PREX2: variants seen among roughly 807,000 people sequenced by gnomAD.
The protein encoded by PREX2 is phosphatidylinositol-3,4,5-trisphosphate dependent Rac exchange factor 2, also known as phosphatidylinositol 3,4,5-trisphosphate-dependent Rac exchanger 2 protein.
In PREX2, 107 loss-of-function variants were observed where a neutral mutation model predicts 203.2. The observed-to-expected ratio is 0.53, with a 90% CI of 0.45 to 0.62. The LOEUF is 0.62. Among genes scored for constraint, PREX2 ranks in the 20% least tolerant of loss-of-function variants. The probability of loss-of-function intolerance (pLI) is 0.00; values close to 1 mark genes in which losing one functional copy is unlikely to be tolerated. For missense variants in PREX2, 1,777 were observed against 1,955.9 expected, an observed-to-expected ratio of 0.91 and a Z score of 1.72; for synonymous variants, 672 against 663.6, an observed-to-expected ratio of 1.01 and a Z score of -0.19.
At chr8:68,040,980 G>A (rs76597100) in intron 7 of PREX2, among the ~76,000 whole-genome samples, 4,189 of 152,262 alleles carry the variant, frequency 0.028, 102 homozygotes, top group Non-Finnish European at 0.044. Flanking sequence ...CTTACTTTAT[G>A]GGATGTTTCC....
chr8:68,171,318 A>G (rs746463878), intron 35 of PREX2, among the ~76,000 whole-genome samples: 2 of 152,212 alleles, frequency 1.3e-5, no homozygotes, highest in Non-Finnish European at 2.9e-5. Context: ...AGGAAGATAG[A>G]TATTTTATTC....
rs759884395 is a variant in PREX2 at position 68,115,751 on chromosome 8, A to C, written c.3147-2A>C. 6.2e-7 allele frequency: 1 copy of C among 1,600,818 alleles called. No homozygotes were observed. Among genetic ancestry groups the C allele is most frequent in the Admixed American group, 1.7e-5 (1 of 57,444 alleles). ...GCATTTTTTTTTAATATTACATTGC[A>C]GCCTTCTGTCTTCAATAACATATTC... On this transcript the variant is annotated splice_acceptor_variant, in intron 25 of 39. Coordinates refer to ENST00000288368, the MANE Select transcript of PREX2 (RefSeq NM_024870.4). LOFTEE classifies it high-confidence loss of function.
At chr8:68,122,882 T>C (rs961746702) in intron 30 of PREX2, among the ~76,000 whole-genome samples, 2 of 152,140 alleles carry the variant, frequency 1.3e-5, no homozygotes, top group African/African-American at 4.8e-5. Context: ...GTTGTTATGA[T>C]TTCACTTCTT....
intron 30 of PREX2, among the ~76,000 whole-genome samples, chr8:68,124,367 C>A (rs183429602): frequency 1.6e-4 from 25 of 152,120 alleles, no homozygotes; most frequent in Admixed American, 1.4e-3. Flanking sequence ...AGTCCATTAT[C>A]CTTAGCAAAC....
intron 35 of PREX2, among the ~76,000 whole-genome samples, chr8:68,171,679 C>A (rs141244518): frequency 1.1e-4 from 16 of 152,218 alleles, no homozygotes; most frequent in African/African-American, 3.9e-4. Flanking sequence ...TCCCTGAGCC[C>A]TCAGCTGTGT....
intron 34 of PREX2, among the ~76,000 whole-genome samples, chr8:68,153,159 A>C (rs1189759355): frequency 6.6e-6 from 1 of 152,216 alleles, no homozygotes; most frequent in Non-Finnish European, 1.5e-5. Context: ...ACCAATTCTG[A>C]GGAATTATGA....
At chr8:68,002,131 T>TTTC (rs1209564960) in intron 1 of PREX2, among the ~76,000 whole-genome samples, 20 of 144,928 alleles carry the variant, frequency 1.4e-4, no homozygotes, top group Non-Finnish European at 2.4e-4. Flanking sequence ...AATTTTGCCT[T>TTTC]TTTTTCTTTT....
At chr8:68,171,124 A>G (rs577029320) in intron 35 of PREX2, among the ~76,000 whole-genome samples, 4 of 152,322 alleles carry the variant, frequency 2.6e-5, no homozygotes, top group Admixed American at 6.5e-5. Flanking sequence ...TGACAACTTT[A>G]TAATGAATTT....
intron 8 of PREX2, among the ~76,000 whole-genome samples, chr8:68,047,389 T>C (rs1402159880): frequency 6.7e-6 from 1 of 150,338 alleles, no homozygotes; most frequent in Admixed American, 6.7e-5. Context: ...AAACAGATAC[T>C]ATCAGGCTCA....
intron 34 of PREX2, among the ~76,000 whole-genome samples, chr8:68,150,604 A>G (rs1358188985): frequency 6.6e-6 from 1 of 152,168 alleles, no homozygotes; most frequent in Non-Finnish European, 1.5e-5. Flanking sequence ...CCATTGTGTA[A>G]CAATAGCCCT....
At chr8:68,126,772 C>T (rs76378416) in intron 30 of PREX2, among the ~76,000 whole-genome samples, 1,701 of 152,024 alleles carry the variant, frequency 0.011, 30 homozygotes, top group African/African-American at 0.04. Flanking sequence ...CCTAGCAATT[C>T]GTATGAAATT....
At chr8:68,210,741 A>C (rs573726290) in intron 37 of PREX2, among the ~76,000 whole-genome samples, 91 of 152,314 alleles carry the variant, frequency 6.0e-4, no homozygotes, top group Non-Finnish European at 1.1e-3. Context: ...AAGTGATTTT[A>C]GAATAAAATG....
intron 11 of PREX2, among the ~76,000 whole-genome samples, chr8:68,063,751 G>T (rs1488573849): frequency 1.3e-5 from 2 of 152,152 alleles, no homozygotes; most frequent in Non-Finnish European, 2.9e-5. Flanking sequence ...TAAAAAGACA[G>T]ACTTAAACTA....
intron 31 of PREX2, among the ~76,000 whole-genome samples, chr8:68,129,603 G>C (rs1292667708): frequency 6.6e-6 from 1 of 151,926 alleles, no homozygotes; most frequent in East Asian, 1.9e-4. Flanking sequence ...CTCTGTGCTA[G>C]AATAATTTCT....
At position 68,171,494 on chromosome 8, in the gene PREX2, G is replaced by A. The variant is rs559719002; in HGVS notation, c.4346+14058G>A. On this transcript the variant is annotated intron_variant, in intron 35 of 39. Coordinates refer to ENST00000288368, the MANE Select transcript of PREX2 (RefSeq NM_024870.4). ...TACTTCTGCAGGAAAAAAAAAAATC[G>A]GTAGCTATGCTCCCCTGAAATGCGA... Among the ~76,000 whole-genome samples, 8 of 151,508 alleles carry A rather than the reference G, an allele frequency of 5.3e-5. No individual in the cohort carries two copies. In the East Asian group the frequency reaches 1.4e-3, roughly 26 times the overall value.
intron 1 of PREX2, among the ~76,000 whole-genome samples, chr8:67,991,376 A>G (rs1306678452): frequency 6.6e-6 from 1 of 152,188 alleles, no homozygotes; most frequent in Non-Finnish European, 1.5e-5. Context: ...GCACATTGCT[A>G]TAAGGAAATA....
chr8:68,078,706 A>G (rs1461061433), intron 15 of PREX2, among the ~76,000 whole-genome samples: 3 of 152,208 alleles, frequency 2.0e-5, no homozygotes, highest in African/African-American at 4.8e-5. Context: ...AGAACAAACT[A>G]TGAACGGAAG....
chr8:68,158,147 GA>G (rs1811582237), intron 35 of PREX2, among the ~76,000 whole-genome samples: 1 of 147,036 alleles, frequency 6.8e-6, no homozygotes, highest in Non-Finnish European at 1.5e-5. Context: ...ACACATATAT[GA>G]ATATATATGT....
At chr8:68,069,701 A>G in intron 12 of PREX2, 134 bp from the exon 13 acceptor site, 1 of 467,958 alleles carries the variant, frequency 2.1e-6, no homozygotes, top group Non-Finnish European at 3.8e-6. Context: ...TGATATTTGA[A>G]TAATTTTTAA....
Sources: allele counts gnomAD v4.1 joint callset (sites outside exome capture counted in the v4.1 genomes callset), GRCh38; gene constraint gnomAD v4.1.1; transcripts MANE v1.5; gene names NCBI Gene and HGNC (gene_info 2026-07-23, HGNC 2026-07-21).